The following GAS6 variants were observed in gnomAD, a reference collection of about 807,000 sequenced individuals.
The protein encoded by GAS6 is growth arrest-specific protein 6.
In GAS6, 41 loss-of-function variants were observed where a neutral mutation model predicts 75.8. The observed-to-expected ratio is 0.54, with a 90% confidence interval of 0.42 to 0.70. GAS6 has a LOEUF of 0.70. GAS6 is among the 30% of genes least tolerant of loss of function. The probability of loss-of-function intolerance (pLI) is 0.00; values close to 1 mark genes in which losing one functional copy is unlikely to be tolerated. For synonymous variants in GAS6, 432 were observed against 412.6 expected (o/e 1.05, Z -0.57); for missense variants, 854 against 940.2 (o/e 0.91, Z 1.20).
chr13:113,839,921 C>G (rs200389250), intron 4 of GAS6, 71 bp from the exon 5 acceptor site: 83 of 1,607,800 alleles, frequency 5.2e-5, no homozygotes, highest in Non-Finnish European at 6.6e-5. Context: ...CAGCTGAGAT[C>G]GGGGCGGCTG....
intron 3 of GAS6, chr13:113,846,945 T>C (rs1324079514): frequency 1.5e-5 from 7 of 470,828 alleles, no homozygotes; most frequent in South Asian, 6.4e-5. Flanking sequence ...TGGACCCCCA[T>C]TGGGAAACGC....
chr13:113,834,223 G>A (rs933750961), intron 8 of GAS6, among the ~76,000 whole-genome samples: 12 of 150,754 alleles, frequency 8.0e-5, no homozygotes, highest in African/African-American at 1.2e-4. Context: ...GTGACAGGTC[G>A]GTGTGACAGG....
intron 2 of GAS6, among the ~76,000 whole-genome samples, chr13:113,851,973 C>T (rs2051879806): frequency 1.3e-5 from 2 of 152,206 alleles, no homozygotes; most frequent in Admixed American, 6.5e-5. Context: ...GCCATTAGGT[C>T]TCTCGGAGGT....
chr13:113,842,820 A>T, intron 4 of GAS6: 2 of 396,800 alleles, frequency 5.0e-6, no homozygotes, highest in Non-Finnish European at 8.8e-6. Context: ...TGCCCATGTG[A>T]TGCAAAGGGC....
intron 2 of GAS6, among the ~76,000 whole-genome samples, chr13:113,855,630 C>T (rs1377834871): frequency 2.6e-5 from 4 of 152,180 alleles, no homozygotes; most frequent in African/African-American, 7.2e-5. Flanking sequence ...CTTGGGACGC[C>T]GGTGTGCCAC....
At chr13:113,846,980 G>A in intron 3 of GAS6, 1 of 501,676 alleles carries the variant, frequency 2.0e-6, no homozygotes, top group Non-Finnish European at 3.9e-6. Context: ...AAGCCACTCT[G>A]CTTTGGAGAA....
chr13:113,827,823 C>T (rs1435286069), intron 11 of GAS6, among the ~76,000 whole-genome samples: 2 of 152,264 alleles, frequency 1.3e-5, no homozygotes, highest in Non-Finnish European at 1.5e-5. Flanking sequence ...GTCGGGGGCA[C>T]GGGCGTGTGC....
rs144993322 is a variant in GAS6 at position 113,826,069 on chromosome 13, G to T, written c.1477+927C>A. Among the ~76,000 whole-genome samples the T allele has an allele frequency of 6.5e-3, 987 of 152,284 alleles. 5 individuals carry two copies. Among genetic ancestry groups the T allele is most frequent in the Non-Finnish European group, 0.01 (704 of 68,010 alleles). ...GTGGGGTGGGAATGTGAGGCAGGGT[G>T]GGGCCGAGCAGTAACACTATCCTCA... is the stretch of plus-strand genomic sequence containing the variant. On this transcript the variant is annotated intron_variant, in intron 12 of 14. Coordinates refer to ENST00000327773, the MANE Select transcript of GAS6 (RefSeq NM_000820.4).
chr13:113,849,499 A>ATT (rs578000504), intron 2 of GAS6, among the ~76,000 whole-genome samples: 191 of 136,876 alleles, frequency 1.4e-3, no homozygotes, highest in African/African-American at 5.2e-3. Context: ...TGGCTCTGAA[A>ATT]TAAAAGACTT....
In GAS6 at chr13:113,832,371, C is replaced by A; in HGVS notation, c.1071G>T (p.Leu357=). The A allele has an allele frequency of 6.2e-7, 1 of 1,610,134 alleles. No homozygotes were observed. The highest frequency in any genetic ancestry group is 8.5e-7 in the Non-Finnish European group (1 of 1,179,892). ...VLALRAGRLE[L]QLRYNGVGRV... ...GGCCGACACCGTTGTAGCGCAGCTG[C>A]AGCTCCAGCCGGCCGGCTCTCAGGG... Residue 357 remains leucine (L), a synonymous_variant, in exon 10 of 15, where the codon CTG becomes CTT. Coordinates refer to ENST00000327773, the MANE Select transcript of GAS6 (RefSeq NM_000820.4).
intron 5 of GAS6, chr13:113,839,020 C>T (rs2051748053): frequency 6.0e-6 from 1 of 166,252 alleles, no homozygotes; most frequent in South Asian, 1.6e-4. Context: ...CGGTCTCAGC[C>T]TGGGGAGCTG....
In GAS6 at chr13:113,822,143, T is replaced by C. The variant is rs1262809368; in HGVS notation, c.1697A>G (p.Glu566Gly). ...CTCTTGGCCGTCGCAGACCTTGATC[T>C]CCATTAGGGCCAAGGCCGTATGCTC... ...AVEHTALALM[E>G]IKVCDGQEHV... The change falls in exon 14 of 15, where the codon GAG becomes GGG. Residue 566 changes from glutamate to glycine, a missense_variant. Physicochemically the swap from Glu to Gly is moderately conservative, Grantham distance 98. Transcript: ENST00000327773. The C allele has an allele frequency of 2.5e-6, 4 of 1,598,436 alleles. No individual in the cohort carries two copies. Among genetic ancestry groups the C allele is most frequent in the Non-Finnish European group, 2.6e-6 (3 of 1,174,096 alleles).
At chr13:113,856,151 G>A (rs990267697) in intron 2 of GAS6, among the ~76,000 whole-genome samples, 1 of 152,190 alleles carries the variant, frequency 6.6e-6, no homozygotes, top group Non-Finnish European at 1.5e-5. Flanking sequence ...CTAATGCTCC[G>A]AGCCACTGAC....
rs1208420081 is a variant in GAS6, at chr13:113,858,165, C to T, written c.255+5410G>A. ...CTGCAGCTGTCAGTGGTCTTCTGAC[C>T]CCAAAGTTGTAGAAAGAGAAAAGTG... On this transcript the variant is annotated intron_variant, in intron 2 of 14. Coordinates refer to ENST00000327773, the MANE Select transcript of GAS6 (RefSeq NM_000820.4). 1.3e-5 allele frequency among the ~76,000 whole-genome samples: 2 copies of T among 152,206 alleles called. 1 individual carries two copies. The highest frequency in any genetic ancestry group is 4.8e-5 in the African/African-American group (2 of 41,440).
At chr13:113,841,930 C>A (rs941916451) in intron 4 of GAS6, 45 of 140,710 alleles carry the variant, frequency 3.2e-4, no homozygotes, top group African/African-American at 1.0e-3. Flanking sequence ...CATACGCCCC[C>A]CAGTTTCTTC....
chr13:113,843,179 C>A (rs1481855530), intron 4 of GAS6: 2 of 252,628 alleles, frequency 7.9e-6, no homozygotes, highest in Non-Finnish European at 1.5e-5. Flanking sequence ...TCCCTGACCC[C>A]CGCCCACCTC....
chr13:113,832,263 C>G, intron 10 of GAS6, 36 bp downstream of exon 10: 1 of 1,586,102 alleles, frequency 6.3e-7, no homozygotes, highest in Non-Finnish European at 8.5e-7. Flanking sequence ...GGGAGAACCC[C>G]GTGAGGCCTG....
chr13:113,850,080 A>T (rs2051861722), intron 2 of GAS6, among the ~76,000 whole-genome samples: 2 of 152,216 alleles, frequency 1.3e-5, no homozygotes, highest in Non-Finnish European at 1.5e-5. Flanking sequence ...AGATAAAGAC[A>T]TTTCACATTG....
rs1165487193 is a variant in GAS6, at chr13:113,837,068, A to C, written c.589+1001T>G. Among the ~76,000 whole-genome samples, 6 of 151,794 alleles carry C rather than the reference A, an allele frequency of 4.0e-5. No individual in the cohort carries two copies. The highest frequency in any genetic ancestry group is 8.8e-5 in the Non-Finnish European group (6 of 67,922). On this transcript the variant is annotated intron_variant, in intron 6 of 14. Coordinates refer to ENST00000327773, the MANE Select transcript of GAS6 (RefSeq NM_000820.4). This position sits in a 1 kb window ranked among gnomAD's most constrained non-coding sequence, Gnocchi z 5.1. Reference sequence around the variant, plus strand: ...AGACGTCATCTCTCAGGATCGGCCTAGTCTTCACCTCTCTTTAAACCTGGG... The same window carrying C: ...AGACGTCATCTCTCAGGATCGGCCTCGTCTTCACCTCTCTTTAAACCTGGG...
Sources: gnomAD v4.1 joint callset for allele counts (sites outside exome capture counted in the v4.1 genomes callset) on GRCh38, gnomAD v4.1.1 for gene constraint, Gnocchi (gnomAD v3.1) non-coding constraint, MANE v1.5 for transcripts, NCBI Gene and HGNC (gene_info 2026-07-23, HGNC 2026-07-21) for gene names.